The following BRWD1 variants were observed in gnomAD, a reference collection of about 807,000 sequenced individuals.
BRWD1 encodes bromodomain and WD repeat-containing protein 1.
A neutral mutation model predicts 251.2 loss-of-function variants in BRWD1; 82 were observed. The ratio of observed to expected loss-of-function variants is 0.33; its 90% confidence interval spans 0.27 to 0.39. BRWD1 has a LOEUF of 0.39. BRWD1 is among the 10% of genes least tolerant of loss of function. The pLI is 1.00. For synonymous variants in BRWD1, 918 were observed against 902.8 expected (o/e 1.02, Z -0.30); for missense variants, 2,233 against 2,711.6 (o/e 0.82, Z 3.92).
intron 10 of BRWD1, among the ~76,000 whole-genome samples, chr21:39,277,898 G>A (rs2035328774): frequency 6.6e-6 from 1 of 152,120 alleles, no homozygotes; most frequent in African/African-American, 2.4e-5. Context: ...GCCCAGGCTG[G>A]AGTGCAGTGG....
intron 20 of BRWD1, among the ~76,000 whole-genome samples, chr21:39,249,265 C>A (rs2034309487): frequency 6.6e-6 from 1 of 152,224 alleles, no homozygotes; most frequent in African/African-American, 2.4e-5. Context: ...TGCTTATTAT[C>A]TGGGTAACAA....
intron 8 of BRWD1, among the ~76,000 whole-genome samples, chr21:39,292,510 C>T (rs981366702): frequency 1.6e-4 from 25 of 152,074 alleles, no homozygotes; most frequent in African/African-American, 5.8e-4. Flanking sequence ...ATACTCATAC[C>T]CTCGCCCCAG....
At chr21:39,284,799 A>G (rs1283423618) in intron 8 of BRWD1, among the ~76,000 whole-genome samples, 2 of 152,016 alleles carry the variant, frequency 1.3e-5, no homozygotes, top group African/African-American at 4.8e-5. Context: ...TGAGTTCCTT[A>G]TATGTTCTGG....
chr21:39,273,732 C>A lies in BRWD1; in HGVS notation c.1244+642G>T, dbSNP rs187802617. Among the ~76,000 whole-genome samples, 9 of 152,060 alleles carry A rather than the reference C, an allele frequency of 5.9e-5. No homozygotes were observed. In the East Asian group the frequency reaches 1.4e-3, roughly 23 times the overall value. The stretch of plus-strand genomic sequence containing the variant: ...CATACCACTGGCGCTCCAGCCTGGG[C>A]GATGGAGTGAGACCCTAAACCATTT... On this transcript the variant is annotated intron_variant, in intron 13 of 40. Transcript: ENST00000342449.
chr21:39,247,089 A>G (rs1164610438), intron 21 of BRWD1, among the ~76,000 whole-genome samples: 2 of 151,570 alleles, frequency 1.3e-5, no homozygotes, highest in Non-Finnish European at 2.9e-5. Flanking sequence ...AAAAAAAAAA[A>G]GGGCCCATTC....
At chr21:39,209,298 A>T (rs1353632393) in intron 36 of BRWD1, among the ~76,000 whole-genome samples, 1 of 152,164 alleles carries the variant, frequency 6.6e-6, no homozygotes, top group South Asian at 2.1e-4. Flanking sequence ...CTTTAAAAAA[A>T]AATAAAAAAT....
rs888324182 is a variant in BRWD1, at chr21:39,298,791, ATTT to A, written c.199-212_199-210del. On this transcript the variant is annotated intron_variant, in intron 4 of 40. Coordinates refer to ENST00000342449, the MANE Select transcript of BRWD1 (RefSeq NM_033656.4). ...CTGTAACACTCAAAACTTCAGCAAC[ATTT>A]TTTTTTGTAGAAATTGACAATTTTG... 1.4e-4 allele frequency among the ~76,000 whole-genome samples: 21 copies of A among 151,696 alleles called. No individual in the cohort carries two copies. The South Asian group carries it at 4.2e-3, about 30-fold the overall frequency.
At chr21:39,288,186 G>A (rs2035700898) in intron 8 of BRWD1, among the ~76,000 whole-genome samples, 1 of 152,196 alleles carries the variant, frequency 6.6e-6, no homozygotes. Flanking sequence ...CAGTTTGAGT[G>A]TGCAATCTAC....
At chr21:39,285,401 T>C (rs1453611732) in intron 8 of BRWD1, among the ~76,000 whole-genome samples, 3 of 152,184 alleles carry the variant, frequency 2.0e-5, no homozygotes, top group Non-Finnish European at 4.4e-5. Flanking sequence ...AGTTCTGGTG[T>C]TCCATTACAC....
At chr21:39,249,915 G>GTGTGTGTGTGTGT (rs1568915296) in intron 20 of BRWD1, among the ~76,000 whole-genome samples, 1 of 68,590 alleles carries the variant, frequency 1.5e-5, no homozygotes, top group East Asian at 2.6e-4. Context: ...AAAGAAGGGG[G>GTGTGTGTGTGTGT]GTGTGTGTGT....
At chr21:39,184,793 G>A (rs1352819006), downstream of BRWD1, 6 of 152,144 alleles carry the variant, frequency 3.9e-5, no homozygotes, top group African/African-American at 1.2e-4. Context: ...TCCTTAGTGA[G>A]ATAGAATAAA....
chr21:39,243,437 T>C (rs1484192838), intron 21 of BRWD1, among the ~76,000 whole-genome samples: 1 of 152,140 alleles, frequency 6.6e-6, no homozygotes, highest in Admixed American at 6.6e-5. Flanking sequence ...TATATTGTTG[T>C]TTATTGCCTC....
At chr21:39,214,282 T>C (rs1302694119) in intron 32 of BRWD1, among the ~76,000 whole-genome samples, 1 of 152,202 alleles carries the variant, frequency 6.6e-6, no homozygotes, top group Non-Finnish European at 1.5e-5. Context: ...CATTCTTTGA[T>C]TCTGAATACT....
chr21:39,285,328 G>T (rs1032824655), intron 8 of BRWD1, among the ~76,000 whole-genome samples: 1 of 152,134 alleles, frequency 6.6e-6, no homozygotes, highest in Admixed American at 6.5e-5. Context: ...GAGTATGGGG[G>T]AAGGGGGGGA....
At chr21:39,234,536 T>C (rs2033741265) in intron 23 of BRWD1, among the ~76,000 whole-genome samples, 1 of 152,184 alleles carries the variant, frequency 6.6e-6, no homozygotes, top group Non-Finnish European at 1.5e-5. Flanking sequence ...ACTTTATTTT[T>C]ACTTAACCCT....
At position 39,232,476 on chromosome 21, in the gene BRWD1, G is replaced by A. The variant is rs755609671; in HGVS notation, c.2789C>T (p.Ala930Val). ...TAAATGCTCCATATTTGCAAGCTCT[G>A]CTGGAGTCATCCTCCGCAAATTCTA... ...KKENLRRMTP[A>V]ELANMEHLYE... The change falls in exon 24 of 41, where the codon GCA becomes GTA. Residue 930 changes from alanine (A) to valine (V), a missense_variant. Ala to Val is a moderately conservative substitution (Grantham distance 64, BLOSUM62 0). Coordinates refer to ENST00000342449, the MANE Select transcript of BRWD1 (RefSeq NM_033656.4). 1 of 1,590,320 alleles carries A rather than the reference G, an allele frequency of 6.3e-7. No individual in the cohort carries two copies. The highest frequency in any genetic ancestry group is 1.4e-5 in the African/African-American group (1 of 73,184).
At chr21:39,207,426 C>CAA (rs796927190) in intron 36 of BRWD1, among the ~76,000 whole-genome samples, 9 of 70,716 alleles carry the variant, frequency 1.3e-4, no homozygotes, top group South Asian at 4.4e-4. Context: ...GAGACAGGCT[C>CAA]AAAAAAAAAA....
intron 18 of BRWD1, among the ~76,000 whole-genome samples, chr21:39,256,913 T>C (rs532910439): frequency 1.3e-5 from 2 of 152,348 alleles, no homozygotes; most frequent in South Asian, 2.1e-4. Flanking sequence ...CCAATGTGCA[T>C]TAGAGAACAC....
chr21:39,232,626 T>C, intron 23 of BRWD1, 128 bp from the exon 24 acceptor site: 2 of 1,016,082 alleles, frequency 2.0e-6, no homozygotes, highest in African/African-American at 1.7e-5. Context: ...AATGATTAGT[T>C]TTCACACAGC....
Sources: gnomAD v4.1 joint callset for allele counts (sites outside exome capture counted in the v4.1 genomes callset) on GRCh38, gnomAD v4.1.1 for gene constraint, MANE v1.5 for transcripts, NCBI Gene and HGNC (gene_info 2026-07-23, HGNC 2026-07-21) for gene names.